Variants in TPRG1 observed in about 807,000 individuals in gnomAD.
TPRG1 encodes the protein tumor protein p63-regulated gene 1 protein.
A neutral mutation model predicts 29.3 loss-of-function variants in TPRG1; 29 were observed. That is an observed-to-expected ratio of 0.99 (90% confidence interval 0.74 to 1.35). The LOEUF (loss-of-function observed/expected upper bound fraction) is 1.35, where lower values mean the gene tolerates loss of function less well. TPRG1 is among the 40% of genes most tolerant of loss of function. The pLI, the probability that TPRG1 is intolerant of heterozygous loss-of-function variation, is 0.00. For synonymous variants in TPRG1, 130 were observed against 116.8 expected, an observed-to-expected ratio of 1.11 and a Z score of -0.73; for missense variants, 327 against 335.0, an observed-to-expected ratio of 0.98 and a Z score of 0.19.
intron 5 of TPRG1, among the ~76,000 whole-genome samples, chr3:189,313,595 T>G (rs1471324332): frequency 6.6e-6 from 1 of 152,196 alleles, no homozygotes; most frequent in African/African-American, 2.4e-5. Flanking sequence ...AAATTATTAT[T>G]TTAAAATACA....
chr3:189,250,122 C>T lies in TPRG1; in HGVS notation c.479+11213C>T, dbSNP rs145913506. Among the ~76,000 whole-genome samples the T allele has an allele frequency of 3.7e-3, 558 of 152,248 alleles. 3 individuals are homozygous for T. The highest frequency in any genetic ancestry group is 6.8e-3 in the Non-Finnish European group (465 of 68,018). Reference sequence around the variant, plus strand: ...CCACTGGGGACTGATGTAATTCCAGCCTTCCTAATTAACCTGTGCAGCTTA... The same window carrying T: ...CCACTGGGGACTGATGTAATTCCAGTCTTCCTAATTAACCTGTGCAGCTTA... On this transcript the variant is annotated intron_variant, in intron 4 of 5. Coordinates refer to ENST00000345063, the MANE Select transcript of TPRG1 (RefSeq NM_198485.4).
At chr3:189,099,565 C>T (rs114407195), upstream of TPRG1, among the ~76,000 whole-genome samples, 2,076 of 152,120 alleles carry the variant, frequency 0.014, 49 homozygotes, top group African/African-American at 0.045. Flanking sequence ...AAAGTTTCTG[C>T]GGTGTTTTAG....
chr3:189,142,238 G>A (rs1462643433), intron 3 of TPRG1, among the ~76,000 whole-genome samples: 1 of 152,134 alleles, frequency 6.6e-6, no homozygotes, highest in Admixed American at 6.5e-5. Context: ...AGATGTTCAG[G>A]GAATGTGCAG....
chr3:189,190,718 A>G (rs781735030), intron 1 of TPRG1, among the ~76,000 whole-genome samples: 18 of 152,198 alleles, frequency 1.2e-4, no homozygotes, highest in Non-Finnish European at 2.6e-4. Flanking sequence ...CCTGGCATCA[A>G]TGTGCATATT....
At position 189,177,063 on chromosome 3, in the gene TPRG1, A is replaced by G. The variant is rs572930587; in HGVS notation, c.-10+4932A>G. Among the ~76,000 whole-genome samples the G allele has an allele frequency of 5.4e-4, 82 of 152,306 alleles. 1 individual carries two copies. The highest frequency in any genetic ancestry group is 1.8e-3 in the African/African-American group (76 of 41,584). ...GAGAGATTCTTAGGGAGTTATTGCT[A>G]TAATCCAGATGAATGATGTGGAAGC... On this transcript the variant is annotated intron_variant, in intron 1 of 5. Coordinates refer to ENST00000345063, the MANE Select transcript of TPRG1 (RefSeq NM_198485.4).
At chr3:189,268,719 G>A (rs1281605026) in intron 4 of TPRG1, among the ~76,000 whole-genome samples, 1 of 152,198 alleles carries the variant, frequency 6.6e-6, no homozygotes, top group Non-Finnish European at 1.5e-5. Context: ...CTAGTCTTTA[G>A]CGTCGTAATA....
intron 4 of TPRG1, among the ~76,000 whole-genome samples, chr3:189,270,744 A>G (rs962475534): frequency 6.6e-6 from 1 of 152,190 alleles, no homozygotes; most frequent in Non-Finnish European, 1.5e-5. Flanking sequence ...GGGTGCCATT[A>G]TGTCCATTTG....
rs528940512 is a variant in TPRG1 at position 189,114,068 on chromosome 3, T to C, written c.-743-12989T>C. Among the ~76,000 whole-genome samples, 4 of 152,304 alleles carry C rather than the reference T, an allele frequency of 2.6e-5. No homozygotes were observed. In the South Asian group the frequency reaches 8.3e-4, roughly 32 times the overall value. ...TTTAATCACATTAAAATTTTTACTT[T>C]ACTATTCCGTCAGCTAAAATACCAG... On this transcript the variant is annotated intron_variant, in intron 1 of 6. Coordinates refer to the TPRG1 transcript ENST00000412373.
chr3:189,026,111 G>A (rs1028721063), intron 4 of TPRG1, among the ~76,000 whole-genome samples: 8 of 152,204 alleles, frequency 5.3e-5, no homozygotes, highest in Admixed American at 6.5e-5. Context: ...CAGATTGGGT[G>A]TCTTAACAGA....
At chr3:189,276,706 C>G (rs1029328348) in intron 4 of TPRG1, among the ~76,000 whole-genome samples, 6 of 152,162 alleles carry the variant, frequency 3.9e-5, no homozygotes, top group African/African-American at 1.4e-4. Context: ...TCCCTAGTCT[C>G]TTCCTTGGCT....
In TPRG1 at chr3:189,241,488, A is replaced by G. The variant is rs372906651; in HGVS notation, c.479+2579A>G. On this transcript the variant is annotated intron_variant, in intron 4 of 5. Transcript: ENST00000345063. The stretch of plus-strand genomic sequence containing the variant: ...ATTGATTTGTAAGAGCTATTTGTGT[A>G]TTAGAGAACTGAATTCCTTTTCTGT... Among the ~76,000 whole-genome samples the G allele has an allele frequency of 4.9e-4, 74 of 151,716 alleles. 2 individuals are homozygous for G. In the South Asian group the frequency reaches 0.015, roughly 32 times the overall value.
intron 4 of TPRG1, among the ~76,000 whole-genome samples, chr3:189,074,659 T>C (rs1028632699): frequency 6.6e-6 from 1 of 152,212 alleles, no homozygotes; most frequent in East Asian, 1.9e-4. Context: ...TGTGTTCTTT[T>C]ATTGATCAAC....
intron 1 of TPRG1, among the ~76,000 whole-genome samples, chr3:189,195,184 G>C (rs1229006332): frequency 6.6e-6 from 1 of 152,058 alleles, no homozygotes; most frequent in African/African-American, 2.4e-5. Flanking sequence ...TGGGATGCAG[G>C]TTGCTGCTTC....
intron 1 of TPRG1, among the ~76,000 whole-genome samples, chr3:189,185,558 T>A (rs895380898): frequency 3.4e-5 from 5 of 147,192 alleles, no homozygotes; most frequent in African/African-American, 7.3e-5. Context: ...ATTTACGACA[T>A]TTTTTTTTCC....
intron 4 of TPRG1, among the ~76,000 whole-genome samples, chr3:189,065,279 T>C (rs1716363798): frequency 1.3e-5 from 2 of 152,174 alleles, no homozygotes; most frequent in Admixed American, 1.3e-4. Flanking sequence ...TTGCACAATT[T>C]CTTCCAGAGA....
chr3:189,116,382 T>G (rs1721174717), intron 1 of TPRG1, among the ~76,000 whole-genome samples: 1 of 152,188 alleles, frequency 6.6e-6, no homozygotes, highest in African/African-American at 2.4e-5. Flanking sequence ...TTTCACCATC[T>G]TGGCCAGGTT....
intron 1 of TPRG1, among the ~76,000 whole-genome samples, chr3:189,124,464 GA>G (rs1174187122): frequency 6.6e-6 from 1 of 152,050 alleles, no homozygotes; most frequent in Non-Finnish European, 1.5e-5. Flanking sequence ...TCTTCTGCTA[GA>G]TCCCCTCAGA....
At chr3:189,049,541 C>T (rs1011026044) in intron 4 of TPRG1, among the ~76,000 whole-genome samples, 1 of 152,106 alleles carries the variant, frequency 6.6e-6, no homozygotes, top group Non-Finnish European at 1.5e-5. Flanking sequence ...CCTGCCCCCA[C>T]CTGACGGTCC....
chr3:189,104,653 G>A (rs1458032619), intron 1 of TPRG1, among the ~76,000 whole-genome samples: 1 of 151,646 alleles, frequency 6.6e-6, no homozygotes, highest in African/African-American at 2.4e-5. Flanking sequence ...AGAACCCTCG[G>A]TCTACTAGAT....
Sources: allele counts gnomAD v4.1 joint callset (sites outside exome capture counted in the v4.1 genomes callset), GRCh38; gene constraint gnomAD v4.1.1; transcripts MANE v1.5; gene names NCBI Gene and HGNC (gene_info 2026-07-23, HGNC 2026-07-21).